The following MRNIP variants were observed in gnomAD, a reference collection of about 807,000 sequenced individuals.
MRNIP encodes the protein MRN complex interacting protein, also known as MRN complex-interacting protein.
In MRNIP, 30 loss-of-function variants were observed where a neutral mutation model predicts 29.8. The observed-to-expected ratio is 1.01, with a 90% CI of 0.75 to 1.36. The LOEUF (loss-of-function observed/expected upper bound fraction) is 1.36. MRNIP is among the 40% of genes most tolerant of loss of function. The probability of loss-of-function intolerance (pLI) is 0.00; values close to 1 mark genes in which losing one functional copy is unlikely to be tolerated. For missense variants in MRNIP, 459 were observed against 423.5 expected (o/e 1.08, Z -0.74); for synonymous variants, 201 against 164.1 (o/e 1.23, Z -1.72).
At chr5:179,837,958 C>T in intron 6 of MRNIP, 73 bp from the exon 7 acceptor site, 1 of 1,467,160 alleles carries the variant, frequency 6.8e-7, no homozygotes, top group Non-Finnish European at 9.2e-7. Context: ...CCTGCCCTGC[C>T]TGGGCCTTGG....
intron 3 of MRNIP, among the ~76,000 whole-genome samples, chr5:179,844,817 A>T (rs184637553): frequency 6.6e-6 from 1 of 152,330 alleles, no homozygotes; most frequent in Non-Finnish European, 1.5e-5. Context: ...TATTCTTGTG[A>T]TCTTGCTAAA....
intron 2 of MRNIP, chr5:179,853,100 G>T: frequency 1.4e-6 from 1 of 739,610 alleles, no homozygotes; most frequent in Non-Finnish European, 2.1e-6. Context: ...GTGAGGGCAA[G>T]AATGACAATG....
intron 6 of MRNIP, chr5:179,840,530 A>T (rs1225090795): frequency 2.2e-6 from 1 of 449,418 alleles, no homozygotes; most frequent in Non-Finnish European, 3.9e-6. Context: ...CGGCCCGCTG[A>T]CGACTCCTGC....
chr5:179,856,300 G>C (rs1472586774), intron 1 of MRNIP, among the ~76,000 whole-genome samples: 1 of 152,174 alleles, frequency 6.6e-6, no homozygotes, highest in African/African-American at 2.4e-5. Flanking sequence ...CCACTCCCTA[G>C]ATGGAGAAAC....
At chr5:179,839,934 C>A (rs1472145912) in intron 6 of MRNIP, 2 of 151,660 alleles carry the variant, frequency 1.3e-5, no homozygotes, top group Non-Finnish European at 1.5e-5. Flanking sequence ...TTGAGACAAG[C>A]CTGGGCAACA....
chr5:179,837,890 A>C lies in MRNIP; in HGVS notation c.538-5T>G. 1 of 1,600,886 alleles carries C rather than the reference A, an allele frequency of 6.2e-7. No homozygotes were observed. Among genetic ancestry groups the C allele is most frequent in the Admixed American group, 1.7e-5 (1 of 59,936 alleles). On this transcript the variant is annotated splice_region_variant and splice_polypyrimidine_tract_variant and intron_variant, in intron 6 of 6. Transcript: ENST00000292586. ...CCATGTCAGGCCAGCCTGTCCCTGA[A>C]AGAGAAGATGGCCATGCCCTCCATG...
At position 179,837,419 on chromosome 5, in the gene MRNIP, G is replaced by A; in HGVS notation, c.1004C>T (p.Thr335Ile). The A allele has an allele frequency of 6.2e-7, 1 of 1,602,592 alleles. No homozygotes were observed. Among genetic ancestry groups the A allele is most frequent in the Middle Eastern group, 1.7e-4 (1 of 5,984 alleles). The change falls in exon 7 of 7, where the codon ACT (threonine) becomes ATT (isoleucine). Residue 335 changes from threonine (T) to isoleucine (I), a missense_variant. Thr to Ile is a moderately conservative substitution (Grantham distance 89). Coordinates refer to ENST00000292586, the MANE Select transcript of MRNIP (RefSeq NM_016175.4). Reference sequence around the variant, plus strand: ...CACATCATCATCGAAGTCTTCCCCAGTTATAAAGAGGTCACATAGTCGTGT... The same window carrying A: ...CACATCATCATCGAAGTCTTCCCCAATTATAAAGAGGTCACATAGTCGTGT... ...RPTRLCDLFI[T>I]GEDFDDDV
intron 1 of MRNIP, among the ~76,000 whole-genome samples, chr5:179,854,688 C>T (rs915831837): frequency 4.6e-5 from 7 of 152,108 alleles, no homozygotes; most frequent in African/African-American, 1.7e-4. Context: ...CCATAATATT[C>T]CTGTCTCGCA....
At chr5:179,858,230 G>A (rs1318795245) in intron 1 of MRNIP, among the ~76,000 whole-genome samples, 1 of 152,186 alleles carries the variant, frequency 6.6e-6, no homozygotes, top group Non-Finnish European at 1.5e-5. Flanking sequence ...TAGAAACACA[G>A]ATTATCTGTC....
chr5:179,843,747 A>G (rs151168151), intron 4 of MRNIP, among the ~76,000 whole-genome samples: 8 of 152,046 alleles, frequency 5.3e-5, no homozygotes, highest in African/African-American at 1.2e-4. Context: ...TTCAGAGAAA[A>G]AAAACAAAAC....
chr5:179,857,743 T>C (rs1030368213), intron 1 of MRNIP, among the ~76,000 whole-genome samples: 1 of 152,074 alleles, frequency 6.6e-6, no homozygotes, highest in African/African-American at 2.4e-5. Context: ...CCGGGCACAA[T>C]GGCTCTCGCC....
At chr5:179,856,634 C>G (rs551133537) in intron 1 of MRNIP, among the ~76,000 whole-genome samples, 7 of 152,266 alleles carry the variant, frequency 4.6e-5, no homozygotes, top group East Asian at 1.9e-4. Context: ...CTACATCTAG[C>G]TATTTTATTT....
At chr5:179,851,725 C>T (rs184358826) in intron 2 of MRNIP, among the ~76,000 whole-genome samples, 56 of 151,978 alleles carry the variant, frequency 3.7e-4, no homozygotes, top group African/African-American at 9.2e-4. Context: ...ACGCCTGTAA[C>T]CCCAGCACTT....
intron 4 of MRNIP, 25 bp from the exon 5 acceptor site, chr5:179,842,089 T>C (rs768191187): frequency 1.6e-5 from 26 of 1,611,648 alleles, no homozygotes; most frequent in Non-Finnish European, 2.0e-5. Flanking sequence ...AAAAAGTTGA[T>C]TCTCAGTACT....
chr5:179,840,618 C>CT (rs545323644), intron 6 of MRNIP: 178 of 569,692 alleles, frequency 3.1e-4, no homozygotes, highest in African/African-American at 2.9e-3. Context: ...GCTGGCCAAC[C>CT]TCAGTTTCTC....
chr5:179,849,469 G>C (rs959764959), intron 2 of MRNIP, among the ~76,000 whole-genome samples: 6 of 148,534 alleles, frequency 4.0e-5, no homozygotes, highest in Non-Finnish European at 7.5e-5. Flanking sequence ...TGAGAGCATG[G>C]ATCCTGCAAT....
intron 2 of MRNIP, among the ~76,000 whole-genome samples, chr5:179,852,034 G>A (rs554184844): frequency 4.8e-4 from 73 of 152,014 alleles, no homozygotes; most frequent in Non-Finnish European, 9.0e-4. Context: ...ATTATGAAAT[G>A]TTTTTGTCTA....
At position 179,850,764 on chromosome 5, in the gene MRNIP, C is replaced by T. The variant is rs565824496; in HGVS notation, c.126+2614G>A. ...GATGGATACTGAAGCGCATTCTTCCCGAAAACTAGATGTCATTTTCCAGTG... is the reference window on the plus strand; with the variant it reads ...GATGGATACTGAAGCGCATTCTTCCTGAAAACTAGATGTCATTTTCCAGTG... On this transcript the variant is annotated intron_variant, in intron 2 of 6. Transcript: ENST00000292586. 3.2e-4 allele frequency among the ~76,000 whole-genome samples: 48 copies of T among 152,266 alleles called. No homozygotes were observed. The South Asian group carries it at 8.9e-3, about 28-fold the overall frequency.
intron 1 of MRNIP, among the ~76,000 whole-genome samples, chr5:179,858,011 CAAAA>C (rs762726244): frequency 2.6e-5 from 2 of 77,272 alleles, no homozygotes; most frequent in Non-Finnish European, 5.7e-5. Context: ...AACTCCGTCT[CAAAA>C]AAAAAAAAAA....
Sources: allele counts gnomAD v4.1 joint callset (sites outside exome capture counted in the v4.1 genomes callset), GRCh38; gene constraint gnomAD v4.1.1; transcripts MANE v1.5; gene names NCBI Gene and HGNC (gene_info 2026-07-23, HGNC 2026-07-21).